CUX2: variants seen among roughly 807,000 people sequenced by gnomAD.
The protein encoded by CUX2 is homeobox protein cut-like 2.
In CUX2, 40 loss-of-function variants were observed where a neutral mutation model predicts 144.8. That is an observed-to-expected ratio of 0.28 (90% CI 0.21 to 0.36). CUX2 has a LOEUF of 0.36. Ranked by LOEUF, CUX2 falls within the 10% of genes least tolerant of loss-of-function variation. The probability of loss-of-function intolerance (pLI) is 1.00; values close to 1 mark genes in which losing one functional copy is unlikely to be tolerated. For missense variants in CUX2, 1,615 were observed against 1,994.0 expected (o/e 0.81, Z 3.62); for synonymous variants, 827 against 875.6 (o/e 0.94, Z 0.98).
chr12:111,339,435 A>G (rs1888491643), intron 20 of CUX2: 1 of 152,238 alleles, frequency 6.6e-6, no homozygotes, highest in Non-Finnish European at 1.5e-5. Flanking sequence ...AACAAAGGAC[A>G]GGACCAGGAA....
intron 18 of CUX2, among the ~76,000 whole-genome samples, chr12:111,329,943 C>T (rs952614493): frequency 4.6e-5 from 7 of 152,110 alleles, no homozygotes; most frequent in African/African-American, 1.7e-4. Flanking sequence ...GGCCCAAAGA[C>T]CGTCAGTTTT....
At chr12:111,132,388 C>T (rs1405086684) in intron 1 of CUX2, among the ~76,000 whole-genome samples, 1 of 152,098 alleles carries the variant, frequency 6.6e-6, no homozygotes, top group African/African-American at 2.4e-5. Flanking sequence ...GTGAAGGTCT[C>T]TGACATGGCC....
At position 111,243,258 on chromosome 12, in the gene CUX2, T is replaced by C. The variant is rs766841559; in HGVS notation, c.223-20503T>C. On this transcript the variant is annotated intron_variant, in intron 3 of 21. Transcript: ENST00000261726. The stretch of plus-strand genomic sequence containing the variant: ...CTTCCTCTCACACCTCTAGATTATT[T>C]TGAAGAAAACTCAAGTCATTGTATC... 9.8e-4 allele frequency among the ~76,000 whole-genome samples: 149 copies of C among 152,206 alleles called. 3 individuals are homozygous for C. The highest frequency in any genetic ancestry group is 6.5e-4 in the Admixed American group (10 of 15,280).
intron 18 of CUX2, among the ~76,000 whole-genome samples, chr12:111,324,610 C>T (rs990067960): frequency 5.3e-5 from 8 of 152,008 alleles, no homozygotes; most frequent in Non-Finnish European, 1.2e-4. Flanking sequence ...AAGCGATTCT[C>T]CTGCCTCAGC....
intron 1 of CUX2, among the ~76,000 whole-genome samples, chr12:111,064,481 A>G (rs1870940959): frequency 6.6e-6 from 1 of 152,262 alleles, no homozygotes; most frequent in Non-Finnish European, 1.5e-5. Context: ...CTGGTCTAGC[A>G]TGGAGAGAAG....
chr12:111,219,395 A>AG (rs1290656410), intron 3 of CUX2, among the ~76,000 whole-genome samples: 1 of 152,100 alleles, frequency 6.6e-6, no homozygotes, highest in African/African-American at 2.4e-5. Flanking sequence ...AAAAAAAAAA[A>AG]AAAATAGAGG....
At chr12:111,051,904 T>A (rs1407445597) in intron 1 of CUX2, among the ~76,000 whole-genome samples, 1 of 152,198 alleles carries the variant, frequency 6.6e-6, no homozygotes, top group African/African-American at 2.4e-5. Flanking sequence ...AGGATTTTCT[T>A]AGTGGTTTGT....
chr12:111,310,819 CT>C lies in CUX2; in HGVS notation c.1900+140del. On this transcript the variant is annotated intron_variant, in intron 15 of 21. Coordinates refer to ENST00000261726, the MANE Select transcript of CUX2 (RefSeq NM_015267.4). This position sits in a 1 kb window ranked among gnomAD's most constrained non-coding sequence, Gnocchi z 7.9. ...TGGCTGTGTGACCCAGGGCCAGTGG[CT>C]TTGCCTGTCTGTGCCTCAGTTTCCC... 1 of 962,974 alleles carries C rather than the reference CT, an allele frequency of 1.0e-6. No individual in the cohort carries two copies. The highest frequency in any genetic ancestry group is 1.5e-6 in the Non-Finnish European group (1 of 670,766). The allele number at this position is 962,974 out of a possible 1,614,324, so 59.7% of individuals were successfully genotyped here.
rs1883763044 is a variant in CUX2, at chr12:111,255,316, T to C, written c.223-8445T>C. ...AGCTATCAAAAACAAAAGTCAAACT[T>C]ATTTCTTATTTAATCCCTGACATTA... On this transcript the variant is annotated intron_variant, in intron 3 of 21. Transcript: ENST00000261726. The surrounding 1 kb of genome is among the most constrained non-coding windows in gnomAD (Gnocchi z 4.1). 6.6e-6 allele frequency among the ~76,000 whole-genome samples: 1 copy of C among 152,180 alleles called. No individual in the cohort carries two copies. The highest frequency in any genetic ancestry group is 1.5e-5 in the Non-Finnish European group (1 of 68,030).
At chr12:111,311,214 C>G (rs1886881163) in intron 15 of CUX2, among the ~76,000 whole-genome samples, 1 of 152,202 alleles carries the variant, frequency 6.6e-6, no homozygotes. Flanking sequence ...GCATCAAGCA[C>G]TGACCACAGC....
At chr12:111,297,724 A>G (rs1886083162) in intron 8 of CUX2, among the ~76,000 whole-genome samples, 1 of 152,212 alleles carries the variant, frequency 6.6e-6, no homozygotes, top group Admixed American at 6.5e-5. Context: ...AAACATGAGA[A>G]CATGACCCGG....
At chr12:111,091,118 G>A (rs1872528981) in intron 1 of CUX2, among the ~76,000 whole-genome samples, 1 of 152,184 alleles carries the variant, frequency 6.6e-6, no homozygotes, top group Non-Finnish European at 1.5e-5. Context: ...TTGCACATCC[G>A]TGTGCACATC....
At chr12:111,137,748 C>T (rs1243040441) in intron 1 of CUX2, among the ~76,000 whole-genome samples, 2 of 152,082 alleles carry the variant, frequency 1.3e-5, no homozygotes, top group Non-Finnish European at 2.9e-5. Context: ...CTTCTGGCCC[C>T]AAGCGATCCT....
chr12:111,202,951 G>A (rs1565846082), intron 1 of CUX2, among the ~76,000 whole-genome samples: 1 of 152,128 alleles, frequency 6.6e-6, no homozygotes, highest in Non-Finnish European at 1.5e-5. Flanking sequence ...ATCAATAAGG[G>A]CTGGGCACCA....
intron 4 of CUX2, among the ~76,000 whole-genome samples, chr12:111,282,649 A>T (rs1885173301): frequency 7.3e-6 from 1 of 137,452 alleles, no homozygotes; most frequent in South Asian, 2.3e-4. Flanking sequence ...AAAAAAAAAA[A>T]TCACACAGAA....
chr12:111,302,355 G>A (rs908730260), intron 9 of CUX2, among the ~76,000 whole-genome samples: 1 of 152,128 alleles, frequency 6.6e-6, no homozygotes, highest in African/African-American at 2.4e-5. Context: ...CAGGCACCAA[G>A]CAAAGATATC....
At chr12:111,260,824 T>C (rs1292616667) in intron 3 of CUX2, among the ~76,000 whole-genome samples, 1 of 152,232 alleles carries the variant, frequency 6.6e-6, no homozygotes, top group Non-Finnish European at 1.5e-5. Context: ...CAGTCTCTCA[T>C]TGGAGGCCAG....
chr12:111,317,382 CTGTG>C (rs1476445593), intron 16 of CUX2, among the ~76,000 whole-genome samples: 1 of 150,930 alleles, frequency 6.6e-6, no homozygotes, highest in Non-Finnish European at 1.5e-5. Context: ...TCTCAGGTGT[CTGTG>C]TGTATGTGTG....
intron 1 of CUX2, among the ~76,000 whole-genome samples, chr12:111,192,682 G>C (rs748813378): frequency 1.3e-5 from 2 of 152,242 alleles, no homozygotes; most frequent in African/African-American, 2.4e-5. Context: ...TCCTGGTTAA[G>C]TCAGCAGCTC....
Sources: gnomAD v4.1 joint callset for allele counts (sites outside exome capture counted in the v4.1 genomes callset) on GRCh38, gnomAD v4.1.1 for gene constraint, Gnocchi (gnomAD v3.1) non-coding constraint, MANE v1.5 for transcripts, NCBI Gene and HGNC (gene_info 2026-07-23, HGNC 2026-07-21) for gene names.